PPARGC1B: variants seen among roughly 807,000 people sequenced by gnomAD.
PPARGC1B encodes PPARG coactivator 1 beta.
PPARGC1B carries 34 observed loss-of-function variants against 101.6 expected under a neutral mutation model. The ratio of observed to expected loss-of-function variants is 0.33; its 90% CI spans 0.25 to 0.45. The LOEUF is 0.45. PPARGC1B is among the 20% of genes least tolerant of loss of function. The pLI is 1.00. For synonymous variants in PPARGC1B, 548 were observed against 539.3 expected, an observed-to-expected ratio of 1.02 and a Z score of -0.22; for missense variants, 1,234 against 1,317.6, an observed-to-expected ratio of 0.94 and a Z score of 0.98.
At chr5:149,812,852 G>A (rs1055532298) in intron 1 of PPARGC1B, among the ~76,000 whole-genome samples, 12 of 152,238 alleles carry the variant, frequency 7.9e-5, no homozygotes, top group African/African-American at 2.9e-4. Context: ...GATTGCCTGG[G>A]GGTAAGGGAA....
chr5:149,849,383 C>T lies in PPARGC1B; in HGVS notation c.*1825C>T, dbSNP rs1288896224. The stretch of plus-strand genomic sequence containing the variant: ...ACCTCTCTGGACTCCAATTTCCTTT[C>T]CTGTGAAATGAACTGATTAGACATG... On this transcript the variant is annotated 3_prime_UTR_variant, in exon 12 of 12. Coordinates refer to ENST00000309241, the MANE Select transcript of PPARGC1B (RefSeq NM_133263.4). The T allele has an allele frequency of 2.6e-5, 4 of 152,204 alleles. No individual in the cohort carries two copies. 9.4% of individuals were successfully genotyped at this position (152,204 alleles called of 1,614,324 possible). A position where few individuals can be genotyped will look rare whatever the true frequency, so the allele number is the denominator to read the frequency against.
chr5:149,743,547 C>G (rs932467670), intron 1 of PPARGC1B, among the ~76,000 whole-genome samples: 6 of 152,094 alleles, frequency 3.9e-5, no homozygotes, highest in Admixed American at 3.9e-4. Flanking sequence ...CTTAACAGTC[C>G]CTGGCACACT....
chr5:149,739,509 C>T (rs1018734863), intron 1 of PPARGC1B, among the ~76,000 whole-genome samples: 3 of 152,194 alleles, frequency 2.0e-5, no homozygotes, highest in Non-Finnish European at 4.4e-5. Flanking sequence ...TACAGGTACA[C>T]CTTGCCATTT....
chr5:149,847,744 C>CTT lies in PPARGC1B; in HGVS notation c.*187_*188dup. On this transcript the variant is annotated 3_prime_UTR_variant, in exon 12 of 12. Coordinates refer to ENST00000309241, the MANE Select transcript of PPARGC1B (RefSeq NM_133263.4). The stretch of plus-strand genomic sequence containing the variant: ...TCAATGTTTACATTGAACAAAGCTG[C>CTT]TTCTGTCTGTGAGTTTCCATGGTGT... 6 of 577,496 alleles carry CTT rather than the reference C, an allele frequency of 1.0e-5. No individual in the cohort carries two copies. Among genetic ancestry groups the CTT allele is most frequent in the Non-Finnish European group, 1.8e-5 (6 of 324,942 alleles). The allele number at this position is 577,496 out of a possible 1,614,324, so 35.8% of individuals were successfully genotyped here.
chr5:149,746,141 A>T (rs1755081099), intron 1 of PPARGC1B, among the ~76,000 whole-genome samples: 1 of 152,172 alleles, frequency 6.6e-6, no homozygotes, highest in African/African-American at 2.4e-5. Context: ...GGCTCCACTG[A>T]TAATAGAATT....
chr5:149,798,070 C>A (rs186354159), intron 1 of PPARGC1B, among the ~76,000 whole-genome samples: 1 of 152,296 alleles, frequency 6.6e-6, no homozygotes, highest in Non-Finnish European at 1.5e-5. Flanking sequence ...CTTATCATTC[C>A]CATTTTACAG....
In PPARGC1B at chr5:149,798,251, A is replaced by G. The variant is rs145880444; in HGVS notation, c.79-22182A>G. ...TCAGCTAAACCTACAACTGATTTGA[A>G]TAGAGTCCGCACCACAAAAAAATCA... On this transcript the variant is annotated intron_variant, in intron 1 of 11. Coordinates refer to ENST00000309241, the MANE Select transcript of PPARGC1B (RefSeq NM_133263.4). Among the ~76,000 whole-genome samples the G allele has an allele frequency of 3.6e-4, 55 of 152,376 alleles. No individual in the cohort carries two copies. In the East Asian group the frequency reaches 8.9e-3, roughly 25 times the overall value.
At chr5:149,773,716 G>A (rs1756240166) in intron 1 of PPARGC1B, among the ~76,000 whole-genome samples, 1 of 152,198 alleles carries the variant, frequency 6.6e-6, no homozygotes, top group Non-Finnish European at 1.5e-5. Flanking sequence ...GACTGAGATG[G>A]GGCCGGCAGG....
At chr5:149,856,919 C>T (rs543774108), downstream of PPARGC1B, among the ~76,000 whole-genome samples, 12 of 151,914 alleles carry the variant, frequency 7.9e-5, no homozygotes, top group South Asian at 2.1e-4. Context: ...TACAGGCACC[C>T]GCCACCACAC....
chr5:149,744,326 T>C (rs1755012804), intron 1 of PPARGC1B, among the ~76,000 whole-genome samples: 1 of 152,212 alleles, frequency 6.6e-6, no homozygotes, highest in Non-Finnish European at 1.5e-5. Context: ...TCTGTTAGTG[T>C]GTGCCTATGT....
chr5:149,756,477 C>A (rs1162091329), intron 1 of PPARGC1B, among the ~76,000 whole-genome samples: 1 of 152,072 alleles, frequency 6.6e-6, no homozygotes, highest in Non-Finnish European at 1.5e-5. Flanking sequence ...AAACAAAAAA[C>A]CAAAACAACA....
Position 149,826,827 on chromosome 5 carries a change from C to T in PPARGC1B, c.407C>T (p.Pro136Leu), listed in dbSNP as rs1181252882. The change falls in exon 3 of 12, where the codon CCC becomes CTC. Residue 136 changes from proline (P) to leucine (L), a missense_variant. Coordinates refer to ENST00000309241, the MANE Select transcript of PPARGC1B (RefSeq NM_133263.4). ...SASPAPSSAP[P>L]SPAPEKPSAP... ...TCGCCTGCCCCCTCATCTGCACCCC[C>T]CAGCCCTGCCCCGGAGAAGCCCTCG... is the stretch of plus-strand genomic sequence containing the variant. 1.2e-6 allele frequency: 2 copies of T among 1,613,974 alleles called. No individual in the cohort carries two copies. Among genetic ancestry groups the T allele is most frequent in the East Asian group, 2.2e-5 (1 of 44,878 alleles).
chr5:149,825,610 T>C (rs1010596097), intron 2 of PPARGC1B, among the ~76,000 whole-genome samples: 1 of 152,216 alleles, frequency 6.6e-6, no homozygotes, highest in Non-Finnish European at 1.5e-5. Flanking sequence ...TTCCTTTTAT[T>C]TTCTTCCTAG....
At chr5:149,817,429 G>A (rs539972340) in intron 1 of PPARGC1B, among the ~76,000 whole-genome samples, 3 of 152,286 alleles carry the variant, frequency 2.0e-5, no homozygotes, top group South Asian at 2.1e-4. Context: ...ACAGTGAGTC[G>A]TGATCAAGCC....
intron 1 of PPARGC1B, among the ~76,000 whole-genome samples, chr5:149,794,514 A>G (rs6877697): frequency 0.15 from 17,800 of 122,566 alleles, 1,164 homozygotes; most frequent in East Asian, 0.3. Context: ...ACGCTCATGT[A>G]TGTGAGCGTG....
chr5:149,819,491 TTTG>T (rs1561582696), intron 1 of PPARGC1B, among the ~76,000 whole-genome samples: 1 of 148,768 alleles, frequency 6.7e-6, no homozygotes, highest in African/African-American at 2.5e-5. Context: ...TTTGTTTGTT[TTTG>T]TTTTTTTTTG....
At position 149,826,809 on chromosome 5, in the gene PPARGC1B, C is replaced by T; in HGVS notation, c.389C>T (p.Ala130Val). ...DALSCTSASP[A>V]PSSAPPSPAP... ...CTATCATGCACCTCAGCTTCGCCTG[C>T]CCCCTCATCTGCACCCCCCAGCCCT... The change falls in exon 3 of 12, where the codon GCC (alanine) becomes GTC (valine). Residue 130 changes from alanine to valine, a missense_variant. Physicochemically the swap from Ala to Val is moderately conservative, Grantham distance 64. This residue lies in a region of PPARGC1B where 734 missense variants were observed against 768.4 expected (regional missense o/e 0.96). Transcript: ENST00000309241. 2.5e-6 allele frequency: 4 copies of T among 1,613,834 alleles called. No homozygotes were observed. Among genetic ancestry groups the T allele is most frequent in the Non-Finnish European group, 2.5e-6 (3 of 1,179,768 alleles).
intron 1 of PPARGC1B, among the ~76,000 whole-genome samples, chr5:149,814,932 A>T (rs1022748507): frequency 6.6e-6 from 1 of 152,240 alleles, no homozygotes; most frequent in South Asian, 2.1e-4. Flanking sequence ...CGGGCCGTAC[A>T]AACAGTGTGT....
intron 1 of PPARGC1B, among the ~76,000 whole-genome samples, chr5:149,780,764 G>C (rs188448026): frequency 6.6e-6 from 1 of 152,328 alleles, no homozygotes; most frequent in East Asian, 1.9e-4. Context: ...AAAGCAGGAT[G>C]ACTGTAAAGC....
Sources: allele counts gnomAD v4.1 joint callset (sites outside exome capture counted in the v4.1 genomes callset), GRCh38; gene constraint gnomAD v4.1.1; regional missense constraint gnomAD v4.1.1; transcripts MANE v1.5; gene names NCBI Gene and HGNC (gene_info 2026-07-23, HGNC 2026-07-21).